Variants in KCNQ5 observed in about 807,000 individuals in gnomAD.
The protein encoded by KCNQ5 is potassium voltage-gated channel subfamily Q member 5, also known as potassium voltage-gated channel subfamily KQT member 5.
A neutral mutation model predicts 98.2 loss-of-function variants in KCNQ5; 30 were observed. That is an observed-to-expected ratio of 0.31 (90% confidence interval 0.23 to 0.41). The LOEUF (loss-of-function observed/expected upper bound fraction) is 0.41. Among genes scored for constraint, KCNQ5 ranks in the 10% least tolerant of loss-of-function variants. The pLI is 1.00. For missense variants in KCNQ5, 835 were observed against 1,182.5 expected, an observed-to-expected ratio of 0.71 and a Z score of 4.31; for synonymous variants, 458 against 449.4, an observed-to-expected ratio of 1.02 and a Z score of -0.24.
intron 3 of KCNQ5, among the ~76,000 whole-genome samples, chr6:73,068,548 T>C (rs1773166254): frequency 6.6e-6 from 1 of 152,142 alleles, no homozygotes; most frequent in Admixed American, 6.5e-5. Flanking sequence ...TGCAACCCTA[T>C]GACATAGGTA....
intron 11 of KCNQ5, among the ~76,000 whole-genome samples, chr6:73,180,018 T>C (rs990871892): frequency 6.6e-6 from 1 of 150,578 alleles, no homozygotes; most frequent in Non-Finnish European, 1.5e-5. Flanking sequence ...AATGAATGAA[T>C]GAATGGACAA....
chr6:72,828,195 T>C (rs961374812), intron 1 of KCNQ5, among the ~76,000 whole-genome samples: 1 of 152,178 alleles, frequency 6.6e-6, no homozygotes, highest in African/African-American at 2.4e-5. Context: ...TTGCTCAGGA[T>C]TGCTTTGGCT....
chr6:73,037,847 C>T (rs538154818), intron 2 of KCNQ5, among the ~76,000 whole-genome samples: 1 of 152,194 alleles, frequency 6.6e-6, no homozygotes, highest in Admixed American at 6.5e-5. Flanking sequence ...ATTGTTTTAG[C>T]TATTCCAGGT....
At chr6:72,974,263 A>G (rs773789240) in intron 1 of KCNQ5, among the ~76,000 whole-genome samples, 4 of 152,094 alleles carry the variant, frequency 2.6e-5, no homozygotes, top group Non-Finnish European at 5.9e-5. Context: ...TCCTAGAGAG[A>G]CCATATGGCT....
At chr6:72,931,550 A>G (rs571846877) in intron 1 of KCNQ5, among the ~76,000 whole-genome samples, 1 of 152,286 alleles carries the variant, frequency 6.6e-6, no homozygotes, top group Non-Finnish European at 1.5e-5. Flanking sequence ...GCATATGGAC[A>G]AGTGGTAACT....
intron 2 of KCNQ5, among the ~76,000 whole-genome samples, chr6:73,009,206 G>C (rs1416982487): frequency 6.6e-6 from 1 of 151,964 alleles, no homozygotes; most frequent in African/African-American, 2.4e-5. Flanking sequence ...TAGCCAGGCT[G>C]GTCTTGAACT....
At chr6:73,058,398 G>A (rs527790058) in intron 3 of KCNQ5, among the ~76,000 whole-genome samples, 358 of 152,148 alleles carry the variant, frequency 2.4e-3, no homozygotes, top group Middle Eastern at 0.01. Context: ...GGGCGACAGC[G>A]AGACTCCGTC....
At chr6:72,700,847 C>T (rs1280325738) in intron 1 of KCNQ5, among the ~76,000 whole-genome samples, 1 of 152,170 alleles carries the variant, frequency 6.6e-6, no homozygotes, top group Admixed American at 6.5e-5. Flanking sequence ...TGAGCAAACC[C>T]ATCCCTCAGC....
At chr6:72,781,674 T>C (rs1773481873) in intron 1 of KCNQ5, among the ~76,000 whole-genome samples, 2 of 152,180 alleles carry the variant, frequency 1.3e-5, no homozygotes, top group South Asian at 4.1e-4. Context: ...AAAAGCAGAA[T>C]TATCTTTTAA....
chr6:73,040,014 C>G (rs567882088), intron 2 of KCNQ5, among the ~76,000 whole-genome samples: 4 of 145,622 alleles, frequency 2.7e-5, no homozygotes, highest in African/African-American at 1.1e-4. Flanking sequence ...TGTCATTTTC[C>G]CCTCACCTTC....
At chr6:72,847,754 C>T (rs1261433382) in intron 1 of KCNQ5, among the ~76,000 whole-genome samples, 1 of 152,096 alleles carries the variant, frequency 6.6e-6, no homozygotes, top group Non-Finnish European at 1.5e-5. Context: ...TTGCATTAGA[C>T]AATGAAACTT....
chr6:73,059,562 A>C (rs1323697731), intron 3 of KCNQ5, among the ~76,000 whole-genome samples: 21 of 152,184 alleles, frequency 1.4e-4, no homozygotes, highest in Non-Finnish European at 1.0e-4. Context: ...AGAACCTGAA[A>C]TAAAAGTTTA....
chr6:72,737,972 G>A (rs951366347), intron 1 of KCNQ5, among the ~76,000 whole-genome samples: 4 of 152,160 alleles, frequency 2.6e-5, no homozygotes, highest in African/African-American at 4.8e-5. Flanking sequence ...TGGCTAACAC[G>A]GTGAAACCCC....
At position 72,843,836 on chromosome 6, in the gene KCNQ5, A is replaced by C. The variant is rs145816672; in HGVS notation, c.399-160072A>C. 6.3e-3 allele frequency among the ~76,000 whole-genome samples: 954 copies of C among 152,334 alleles called. 8 individuals carry two copies. Among genetic ancestry groups the C allele is most frequent in the African/African-American group, 0.022 (906 of 41,578 alleles). ...GATAAAGAAAATGTGGCACTTATAC[A>C]CCATGGAATACTATGCAGCATAAAA... On this transcript the variant is annotated intron_variant, in intron 1 of 13. Transcript: ENST00000370398.
intron 1 of KCNQ5, among the ~76,000 whole-genome samples, chr6:72,924,290 C>A (rs988425589): frequency 6.6e-6 from 1 of 152,058 alleles, no homozygotes; most frequent in Non-Finnish European, 1.5e-5. Flanking sequence ...TTCAAAATAA[C>A]ACACTGAACT....
At chr6:73,051,296 G>C (rs562733768) in intron 3 of KCNQ5, among the ~76,000 whole-genome samples, 5 of 151,932 alleles carry the variant, frequency 3.3e-5, no homozygotes, top group African/African-American at 1.2e-4. Context: ...ACCAGCATGA[G>C]CGTGCACATG....
chr6:72,855,430 A>G (rs780817843), intron 1 of KCNQ5, among the ~76,000 whole-genome samples: 26 of 152,328 alleles, frequency 1.7e-4, no homozygotes, highest in Non-Finnish European at 3.4e-4. Context: ...GTTTTTGTCT[A>G]TATCAGTATG....
intron 1 of KCNQ5, among the ~76,000 whole-genome samples, chr6:72,719,054 A>G (rs1342862481): frequency 6.6e-6 from 1 of 152,206 alleles, no homozygotes; most frequent in Admixed American, 6.5e-5. Flanking sequence ...CTGTTTACTG[A>G]GAATCTCCTA....
At chr6:72,802,721 C>G (rs1267275093) in intron 1 of KCNQ5, among the ~76,000 whole-genome samples, 1 of 152,036 alleles carries the variant, frequency 6.6e-6, no homozygotes, top group African/African-American at 2.4e-5. Context: ...CTCTTAAGGT[C>G]CAAGAACTCA....
Sources: allele counts gnomAD v4.1 joint callset (sites outside exome capture counted in the v4.1 genomes callset), GRCh38; gene constraint gnomAD v4.1.1; transcripts MANE v1.5; gene names NCBI Gene and HGNC (gene_info 2026-07-23, HGNC 2026-07-21).